KIAA1958: variants seen among roughly 807,000 people sequenced by gnomAD.
KIAA1958 encodes the protein uncharacterized protein KIAA1958.
Under a neutral mutation model 47.2 loss-of-function variants are expected in KIAA1958, and 14 were observed. The observed-to-expected ratio is 0.30, with a 90% CI of 0.20 to 0.46. The LOEUF (loss-of-function observed/expected upper bound fraction) is 0.46, where lower values mean the gene tolerates loss of function less well. KIAA1958 is among the 20% of genes least tolerant of loss of function. The pLI is 1.00. For missense variants in KIAA1958, 803 were observed against 909.2 expected, an observed-to-expected ratio of 0.88 and a Z score of 1.50; for synonymous variants, 354 against 353.3, an observed-to-expected ratio of 1.00 and a Z score of -0.02.
intron 1 of KIAA1958, among the ~76,000 whole-genome samples, chr9:112,553,421 C>T (rs1835190718): frequency 6.6e-6 from 1 of 152,048 alleles, no homozygotes; most frequent in South Asian, 2.1e-4. Context: ...TCAAGCCATC[C>T]TCCTGCTTCA....
At chr9:112,575,331 A>C in intron 2 of KIAA1958, 80 bp downstream of exon 2, 1 of 942,036 alleles carries the variant, frequency 1.1e-6, no homozygotes, top group Non-Finnish European at 1.5e-6. Context: ...AAAACCATTC[A>C]CTCAGTTTGC....
chr9:112,493,135 C>G (rs1195663469), intron 1 of KIAA1958, among the ~76,000 whole-genome samples: 1 of 143,992 alleles, frequency 6.9e-6, no homozygotes, highest in African/African-American at 2.6e-5. Context: ...TTATTTTCTT[C>G]TGAGTTCTGA....
rs1315233738 is a variant in KIAA1958, at chr9:112,662,854, G to T, written c.*2785G>T. 1 of 152,260 alleles carries T rather than the reference G, an allele frequency of 6.6e-6. No homozygotes were observed. The highest frequency in any genetic ancestry group is 1.5e-5 in the Non-Finnish European group (1 of 68,096). 9.4% of individuals were successfully genotyped at this position (152,260 alleles called of 1,614,324 possible). A position where few individuals can be genotyped will look rare whatever the true frequency, so the allele number is the denominator to read the frequency against. ...ATGTGTTTGGCCAAAGCCGTCCTCC[G>T]AGGTCTTAAGGGGGCCAGAGTAGCA... On this transcript the variant is annotated 3_prime_UTR_variant, in exon 4 of 4. Transcript: ENST00000337530.
intron 1 of KIAA1958, among the ~76,000 whole-genome samples, chr9:112,511,429 T>A (rs147252022): frequency 1.3e-5 from 2 of 152,254 alleles, no homozygotes; most frequent in East Asian, 3.9e-4. Context: ...GTGAAAGCAG[T>A]CAGTAGATTG....
chr9:112,659,887 A>G lies in KIAA1958; in HGVS notation c.1969A>G (p.Arg657Gly). The part of the protein sequence containing the change: ...EAKSPFYLTA[R>G]KEATDMGSVW... The stretch of plus-strand genomic sequence containing the variant: ...CAAGTCCCCCTTCTACCTGACTGCC[A>G]GGAAGGAGGCCACAGACATGGGCAG... The change falls in exon 4 of 4, where the codon AGG becomes GGG. Residue 657 changes from arginine to glycine, a missense_variant. Transcript: ENST00000337530. 1 of 1,614,184 alleles carries G rather than the reference A, an allele frequency of 6.2e-7. No individual in the cohort carries two copies. Among genetic ancestry groups the G allele is most frequent in the Non-Finnish European group, 8.5e-7 (1 of 1,180,006 alleles).
chr9:112,499,259 TC>T (rs1834095049), intron 1 of KIAA1958, among the ~76,000 whole-genome samples: 1 of 152,240 alleles, frequency 6.6e-6, no homozygotes, highest in African/African-American at 2.4e-5. Context: ...GGTTTTCTTT[TC>T]TTTGGATAAA....
At chr9:112,544,882 C>A (rs572518031) in intron 1 of KIAA1958, among the ~76,000 whole-genome samples, 5 of 152,058 alleles carry the variant, frequency 3.3e-5, no homozygotes, top group Non-Finnish European at 7.4e-5. Flanking sequence ...AGAAATTTTC[C>A]CCAGCTACAA....
chr9:112,635,955 CT>C (rs1331612588), intron 2 of KIAA1958, among the ~76,000 whole-genome samples: 2 of 151,304 alleles, frequency 1.3e-5, no homozygotes, highest in Non-Finnish European at 2.9e-5. Flanking sequence ...ACCTTTTCTT[CT>C]TTTGTAGCCT....
At chr9:112,556,317 G>A (rs1272086533) in intron 1 of KIAA1958, among the ~76,000 whole-genome samples, 2 of 152,160 alleles carry the variant, frequency 1.3e-5, no homozygotes, top group African/African-American at 4.8e-5. Context: ...TCTGCTGCCT[G>A]CACACAGGTA....
At chr9:112,547,949 G>A (rs898360108) in intron 1 of KIAA1958, among the ~76,000 whole-genome samples, 1 of 150,594 alleles carries the variant, frequency 6.6e-6, no homozygotes, top group Non-Finnish European at 1.5e-5. Flanking sequence ...TTGATTCCAG[G>A]TCTGTAGATA....
At chr9:112,544,017 T>G (rs2132827274) in intron 1 of KIAA1958, among the ~76,000 whole-genome samples, 1 of 152,340 alleles carries the variant, frequency 6.6e-6, no homozygotes. Context: ...GCCCATTAAC[T>G]AAAGGATATG....
At chr9:112,524,106 C>T (rs143360459) in intron 1 of KIAA1958, among the ~76,000 whole-genome samples, 76 of 152,332 alleles carry the variant, frequency 5.0e-4, no homozygotes, top group Admixed American at 7.2e-4. Context: ...CAACAAAATG[C>T]CACCAGTGGC....
chr9:112,663,341 T>C lies in KIAA1958; in HGVS notation c.*3272T>C, dbSNP rs1350556906. The C allele has an allele frequency of 6.6e-6, 1 of 152,172 alleles. No homozygotes were observed. 9.4% of individuals were successfully genotyped at this position (152,172 alleles called of 1,614,324 possible). On this transcript the variant is annotated 3_prime_UTR_variant, in exon 4 of 4. Coordinates refer to ENST00000337530, the MANE Select transcript of KIAA1958 (RefSeq NM_133465.4). ...CCTTAAAGGGTGTGATTCAATTGAA[T>C]ATAGTTTAGTGCGGTACCAGGCACA...
intron 1 of KIAA1958, among the ~76,000 whole-genome samples, chr9:112,513,480 C>CGGTGGCTTAGGGAGCCTGTCCGGCCAT (rs1554720343): frequency 1.7e-5 from 1 of 57,972 alleles, no homozygotes; most frequent in African/African-American, 8.1e-5. Flanking sequence ...GGGCTGGGGT[C>CGGTGGCTTAGGGAGCCTGTCCGGCCAT]GGTGGCCGCG....
intron 1 of KIAA1958, among the ~76,000 whole-genome samples, chr9:112,569,906 GA>G (rs1835504224): frequency 6.6e-6 from 1 of 152,128 alleles, no homozygotes; most frequent in South Asian, 2.1e-4. Context: ...TTACAGGTGT[GA>G]GCCACTGCAC....
chr9:112,622,494 A>G (rs575704925), intron 2 of KIAA1958, among the ~76,000 whole-genome samples: 5 of 152,332 alleles, frequency 3.3e-5, no homozygotes, highest in African/African-American at 9.6e-5. Context: ...AAAAAACTAT[A>G]ATGTTTGAAA....
rs532190353 is a variant in KIAA1958 at position 112,562,836 on chromosome 9, T to A, written c.-24-11221T>A. Among the ~76,000 whole-genome samples, 168 of 151,902 alleles carry A rather than the reference T, an allele frequency of 1.1e-3. 1 individual carries two copies. Among genetic ancestry groups the A allele is most frequent in the African/African-American group, 3.8e-3 (157 of 41,490 alleles). On this transcript the variant is annotated intron_variant, in intron 1 of 3. Coordinates refer to ENST00000337530, the MANE Select transcript of KIAA1958 (RefSeq NM_133465.4). Reference sequence around the variant, plus strand: ...GAAGTTATGTCAGGATTTTTTTTTTTTTTCCTTTTTGTGGAGATGGAGTCT... The same window carrying A: ...GAAGTTATGTCAGGATTTTTTTTTTATTTCCTTTTTGTGGAGATGGAGTCT...
intron 1 of KIAA1958, among the ~76,000 whole-genome samples, chr9:112,572,089 G>A (rs958729572): frequency 1.3e-5 from 2 of 151,856 alleles, no homozygotes; most frequent in Non-Finnish European, 2.9e-5. Context: ...TGACTCCCAC[G>A]CCAGTCAATG....
At chr9:112,579,449 A>T (rs1835701110) in intron 2 of KIAA1958, among the ~76,000 whole-genome samples, 1 of 152,014 alleles carries the variant, frequency 6.6e-6, no homozygotes, top group Non-Finnish European at 1.5e-5. Flanking sequence ...TTTGGGGTAG[A>T]ACCTCATGTT....
Sources: allele counts gnomAD v4.1 joint callset (sites outside exome capture counted in the v4.1 genomes callset), GRCh38; gene constraint gnomAD v4.1.1; transcripts MANE v1.5; gene names NCBI Gene and HGNC (gene_info 2026-07-23, HGNC 2026-07-21).